Variants in FAM228B observed in about 807,000 individuals in gnomAD.
FAM228B encodes protein FAM228B.
A neutral mutation model predicts 42.6 loss-of-function variants in FAM228B; 38 were observed. That is an observed-to-expected ratio of 0.89 (90% CI 0.69 to 1.17). The LOEUF is 1.17. Ranked by LOEUF, FAM228B falls within the 50% of genes most tolerant of loss-of-function variation. The probability of loss-of-function intolerance (pLI) is 0.00; values close to 1 mark genes in which losing one functional copy is unlikely to be tolerated. For synonymous variants in FAM228B, 109 were observed against 122.3 expected (o/e 0.89, Z 0.72); for missense variants, 344 against 367.3 (o/e 0.94, Z 0.52).
intron 7 of FAM228B, among the ~76,000 whole-genome samples, chr2:24,159,926 C>T (rs1168249636): frequency 2.6e-5 from 4 of 151,234 alleles, no homozygotes; most frequent in Non-Finnish European, 5.9e-5. Context: ...ACGATCTTCT[C>T]TTTGTCTTTA....
chr2:24,120,277 A>ACAACAACAAC (rs112720334), upstream of FAM228B, among the ~76,000 whole-genome samples: 12 of 151,382 alleles, frequency 7.9e-5, no homozygotes, highest in Non-Finnish European at 1.3e-4. Flanking sequence ...TCAAAAAAAA[A>ACAACAACAAC]AACAACAACA....
At chr2:24,083,191 A>G in intron 2 of FAM228B, 1 of 1,547,430 alleles carries the variant, frequency 6.5e-7, no homozygotes, top group Non-Finnish European at 8.7e-7. Flanking sequence ...GAGCATGATC[A>G]GAAATCTGTA....
intron 3 of FAM228B, among the ~76,000 whole-genome samples, chr2:24,112,620 GT>G (rs1293042998): frequency 6.6e-6 from 1 of 152,118 alleles, no homozygotes; most frequent in Non-Finnish European, 1.5e-5. Context: ...TTCACTTAAT[GT>G]GAAATTATGA....
chr2:24,136,296 G>A (rs987162164), intron 3 of FAM228B, among the ~76,000 whole-genome samples: 1 of 151,700 alleles, frequency 6.6e-6, no homozygotes, highest in Admixed American at 6.6e-5. Flanking sequence ...GTATGATCTC[G>A]GCTCACTGCA....
intron 3 of FAM228B, among the ~76,000 whole-genome samples, chr2:24,102,923 A>C (rs1482899444): frequency 6.6e-6 from 1 of 152,170 alleles, no homozygotes; most frequent in Non-Finnish European, 1.5e-5. Flanking sequence ...TTCAATAATC[A>C]TGTTAATATG....
chr2:24,108,383 A>G (rs1217034684), intron 3 of FAM228B, among the ~76,000 whole-genome samples: 2 of 152,200 alleles, frequency 1.3e-5, no homozygotes, highest in African/African-American at 2.4e-5. Context: ...AGCTGGTACC[A>G]TTCCAACAGA....
chr2:24,099,961 A>C (rs900513211), intron 3 of FAM228B, among the ~76,000 whole-genome samples: 1 of 152,088 alleles, frequency 6.6e-6, no homozygotes, highest in Admixed American at 6.6e-5. Flanking sequence ...CAGAAATAAC[A>C]CCACACATCT....
chr2:24,093,723 C>T (rs1178407145), intron 2 of FAM228B, among the ~76,000 whole-genome samples: 1 of 151,642 alleles, frequency 6.6e-6, no homozygotes, highest in Non-Finnish European at 1.5e-5. Context: ...TCAAGCGATT[C>T]TCCTGCCTTA....
Position 24,084,306 on chromosome 2 carries a change from G to C in FAM228B, c.-210+3351G>C. ...AGAGGTTTTCCGGTCCTCCCGGCTT[G>C]TCAAAGTGCACGGCTAACATATTGT... On this transcript the variant is annotated intron_variant, in intron 2 of 10. Coordinates refer to the FAM228B transcript ENST00000613899. The surrounding 1 kb of genome is among the most constrained non-coding windows in gnomAD (Gnocchi z 8.4). 6.2e-7 allele frequency: 1 copy of C among 1,614,004 alleles called. No individual in the cohort carries two copies. The highest frequency in any genetic ancestry group is 2.2e-5 in the East Asian group (1 of 44,874).
At chr2:24,078,836 G>A (rs1664872333) in intron 1 of FAM228B, 1 of 152,548 alleles carries the variant, frequency 6.6e-6, no homozygotes, top group Admixed American at 6.5e-5. Context: ...CCCAAAGGTG[G>A]TACCTGCTAG....
At chr2:24,153,174 G>T (rs1031088956) in intron 7 of FAM228B, among the ~76,000 whole-genome samples, 1 of 152,186 alleles carries the variant, frequency 6.6e-6, no homozygotes, top group African/African-American at 2.4e-5. Flanking sequence ...AAGCCTGCTT[G>T]TTGCTCTATC....
At chr2:24,128,700 CTTTT>C (rs71397406) in intron 2 of FAM228B, among the ~76,000 whole-genome samples, 1 of 148,622 alleles carries the variant, frequency 6.7e-6, no homozygotes, top group Non-Finnish European at 1.5e-5. Flanking sequence ...TATAAATACT[CTTTT>C]TTTTTTAAGT....
chr2:24,147,341 T>C (rs887117396), intron 7 of FAM228B, among the ~76,000 whole-genome samples: 5 of 152,216 alleles, frequency 3.3e-5, no homozygotes, highest in Non-Finnish European at 4.4e-5. Flanking sequence ...ATTAGCTAGA[T>C]TATGATCTGT....
intron 4 of FAM228B, 101 bp downstream of exon 4, chr2:24,138,201 A>C (rs1176951713): frequency 1.2e-6 from 1 of 850,176 alleles, no homozygotes; most frequent in South Asian, 1.7e-5. Context: ...TCCCCTCTAC[A>C]TATGTATCAT....
chr2:24,126,750 A>G (rs747874917), intron 2 of FAM228B, among the ~76,000 whole-genome samples: 7 of 151,720 alleles, frequency 4.6e-5, no homozygotes, highest in Middle Eastern at 3.2e-3. Flanking sequence ...AGCTGGGACT[A>G]CAGGTGCCTG....
At chr2:24,165,790 C>G (rs1384146986) in intron 9 of FAM228B, 4 of 224,662 alleles carry the variant, frequency 1.8e-5, no homozygotes, top group Admixed American at 9.5e-5. Flanking sequence ...GCCTATAATC[C>G]CAGCACTTTG....
rs757582608 is a variant in FAM228B, at chr2:24,080,921, C to T, written c.-244C>T. ...GCCATTTGAAGCTTCTTCTGGGAGCCAGCTGTGACCAGAGGAATAGCTCCA... is the reference window on the plus strand; with the variant it reads ...GCCATTTGAAGCTTCTTCTGGGAGCTAGCTGTGACCAGAGGAATAGCTCCA... On this transcript the variant is annotated 5_prime_UTR_variant, in exon 2 of 11. Transcript: ENST00000613899. The surrounding 1 kb of genome is among the most constrained non-coding windows in gnomAD (Gnocchi z 4.7). The T allele has an allele frequency of 3.1e-6, 5 of 1,614,064 alleles. No homozygotes were observed. The highest frequency in any genetic ancestry group is 4.2e-6 in the Non-Finnish European group (5 of 1,180,042).
At chr2:24,156,109 G>A (rs1304475549) in intron 7 of FAM228B, among the ~76,000 whole-genome samples, 1 of 152,160 alleles carries the variant, frequency 6.6e-6, no homozygotes, top group African/African-American at 2.4e-5. Flanking sequence ...AGCAAGATGT[G>A]TGTGCCTTCT....
intron 3 of FAM228B, among the ~76,000 whole-genome samples, chr2:24,102,548 G>T (rs1665627363): frequency 6.6e-6 from 1 of 152,146 alleles, no homozygotes; most frequent in South Asian, 2.1e-4. Flanking sequence ...GACCAGTCTG[G>T]CTAACATGGC....
Sources: allele counts gnomAD v4.1 joint callset (sites outside exome capture counted in the v4.1 genomes callset), GRCh38; gene constraint gnomAD v4.1.1; non-coding constraint Gnocchi (gnomAD v3.1); transcripts MANE v1.5; gene names NCBI Gene and HGNC (gene_info 2026-07-23, HGNC 2026-07-21).